The following DNAI7 variants were observed in gnomAD, a reference collection of about 807,000 sequenced individuals.
The protein encoded by DNAI7 is dynein axonemal intermediate chain 7, also known as cancer susceptibility 1.
Under a neutral mutation model 86.6 loss-of-function variants are expected in DNAI7, and 78 were observed. That is an observed-to-expected ratio of 0.90 (90% CI 0.75 to 1.09). The LOEUF is 1.09. Among genes scored for constraint, DNAI7 ranks in the 50% least tolerant of loss-of-function variants. The pLI, the probability that DNAI7 is intolerant of heterozygous loss-of-function variation, is 0.00. For missense variants in DNAI7, 753 were observed against 810.2 expected (o/e 0.93, Z 0.86); for synonymous variants, 274 against 273.0 (o/e 1.00, Z -0.04).
At position 25,165,167 on chromosome 12, in the gene DNAI7, G is replaced by A. The variant is rs1013664970; in HGVS notation, c.22-3970C>T. ...CAATATACATTTTATTACCCAATCCGCTCCGGACATTAAATAAAACTTCAA... is the reference window on the plus strand; with the variant it reads ...CAATATACATTTTATTACCCAATCCACTCCGGACATTAAATAAAACTTCAA... On this transcript the variant is annotated intron_variant, in intron 2 of 15. Coordinates refer to ENST00000395987, the MANE Select transcript of DNAI7 (RefSeq NM_018272.5). Among the ~76,000 whole-genome samples the A allele has an allele frequency of 3.9e-5, 6 of 151,958 alleles. No homozygotes were observed. In the South Asian group the frequency reaches 6.2e-4, roughly 16 times the overall value.
At chr12:25,168,277 C>A (rs1213973044) in intron 2 of DNAI7, among the ~76,000 whole-genome samples, 2 of 152,190 alleles carry the variant, frequency 1.3e-5, no homozygotes, top group Non-Finnish European at 2.9e-5. Flanking sequence ...CAGGTACATG[C>A]ACACTAGTTT....
At chr12:25,158,603 C>A (rs867016742) in intron 3 of DNAI7, 40 bp from the exon 4 acceptor site, 3 of 1,576,148 alleles carry the variant, frequency 1.9e-6, no homozygotes, top group Non-Finnish European at 2.6e-6. Context: ...GTGAATAGAT[C>A]ACTGTATTTT....
At chr12:25,177,128 C>G (rs1196447214) in intron 2 of DNAI7, among the ~76,000 whole-genome samples, 1 of 152,060 alleles carries the variant, frequency 6.6e-6, no homozygotes, top group Non-Finnish European at 1.5e-5. Context: ...GTATTGAACT[C>G]CTGACCTCAA....
chr12:25,132,444 T>C (rs1436260521), intron 9 of DNAI7, among the ~76,000 whole-genome samples: 2 of 152,196 alleles, frequency 1.3e-5, no homozygotes, highest in Admixed American at 1.3e-4. Context: ...TATAAATCTG[T>C]GTCATTTTAA....
At chr12:25,159,655 T>C (rs575098601) in intron 3 of DNAI7, among the ~76,000 whole-genome samples, 17 of 152,182 alleles carry the variant, frequency 1.1e-4, no homozygotes, top group Non-Finnish European at 2.2e-4. Flanking sequence ...CAGATGCAAT[T>C]ACCTTAATCT....
intron 9 of DNAI7, among the ~76,000 whole-genome samples, chr12:25,131,684 A>C (rs1384488579): frequency 6.6e-6 from 1 of 152,222 alleles, no homozygotes; most frequent in Non-Finnish European, 1.5e-5. Flanking sequence ...ATCTCTCAAA[A>C]GACAGGATAA....
At chr12:25,125,995 G>A (rs73081719) in intron 9 of DNAI7, among the ~76,000 whole-genome samples, 4 of 152,082 alleles carry the variant, frequency 2.6e-5, no homozygotes, top group South Asian at 2.1e-4. Flanking sequence ...CCAGTACCAC[G>A]CTGTTTTGGT....
rs150383999 is a variant in DNAI7 at position 25,110,322 on chromosome 12, T to C, written c.1780-82A>G. The C allele has an allele frequency of 3.5e-5, 27 of 770,280 alleles. 1 individual carries two copies. The highest frequency in any genetic ancestry group is 3.2e-4 in the African/African-American group (19 of 58,482). 47.7% of individuals were successfully genotyped at this position (770,280 alleles called of 1,614,324 possible). A position where few individuals can be genotyped will look rare whatever the true frequency, so the allele number is the denominator to read the frequency against. On this transcript the variant is annotated intron_variant, in intron 14 of 15. Transcript: ENST00000395987. ...CATCTTTGGCCTCCTTCAGTCTATT[T>C]TCAACACAGACGGATCCACTTAAAA...
chr12:25,123,007 T>C (rs1395326398), intron 10 of DNAI7, among the ~76,000 whole-genome samples: 1 of 152,188 alleles, frequency 6.6e-6, no homozygotes, highest in Admixed American at 6.5e-5. Flanking sequence ...TATAATCCCA[T>C]GGTTTTATTA....
At chr12:25,107,591 G>A (rs1425251878), downstream of DNAI7, among the ~76,000 whole-genome samples, 2 of 148,702 alleles carry the variant, frequency 1.3e-5, no homozygotes, top group Non-Finnish European at 3.0e-5. Flanking sequence ...CCTACATCAC[G>A]TAATTTTCAG....
chr12:25,126,875 G>T (rs1010349263), intron 9 of DNAI7, among the ~76,000 whole-genome samples: 2 of 152,164 alleles, frequency 1.3e-5, no homozygotes, highest in South Asian at 4.1e-4. Flanking sequence ...TCTTCAAAGA[G>T]TTTAGACCAA....
chr12:25,123,177 T>G (rs1336336672), intron 10 of DNAI7, 34 bp downstream of exon 10: 5 of 1,362,946 alleles, frequency 3.7e-6, no homozygotes, highest in South Asian at 1.3e-5. Context: ...AAAATCTCAA[T>G]AAAGTTAAAT....
intron 13 of DNAI7, among the ~76,000 whole-genome samples, chr12:25,113,555 C>T (rs1361334397): frequency 6.6e-6 from 1 of 152,158 alleles, no homozygotes; most frequent in African/African-American, 2.4e-5. Flanking sequence ...CCACTTCAGC[C>T]TCCCAAAGTG....
chr12:25,149,766 C>A lies in DNAI7; in HGVS notation c.447G>T (p.Glu149Asp), dbSNP rs746158316. 3 of 1,495,908 alleles carry A rather than the reference C, an allele frequency of 2.0e-6. 1 individual carries two copies. The highest frequency in any genetic ancestry group is 2.3e-5 in the South Asian group (2 of 85,882). The allele number at this position is 1,495,908 out of a possible 1,614,324, so 92.7% of individuals were successfully genotyped here. The stretch of plus-strand genomic sequence containing the variant: ...TTTCCAGTAAAATAAATTTCAATTT[C>A]TCAATTAACTGTAAAGTAAAAGAAT... ...EKSKVVLNLI[E>D]KLKFILLETP... Residue 149 changes from glutamate to aspartate, a missense_variant, in exon 7 of 16, where the codon GAG (glutamate) becomes GAT (aspartate). Physicochemically the swap from Glu to Asp is conservative, Grantham distance 45. Coordinates refer to ENST00000395987, the MANE Select transcript of DNAI7 (RefSeq NM_018272.5).
intron 11 of DNAI7, among the ~76,000 whole-genome samples, chr12:25,120,874 C>T (rs1941189768): frequency 6.6e-6 from 1 of 152,198 alleles, no homozygotes; most frequent in South Asian, 2.1e-4. Flanking sequence ...GCATTGGCAT[C>T]ATGTGGACTG....
intron 6 of DNAI7, among the ~76,000 whole-genome samples, chr12:25,151,860 G>A (rs903676146): frequency 1.3e-5 from 2 of 152,064 alleles, no homozygotes; most frequent in Non-Finnish European, 2.9e-5. Context: ...ATTAAATCTC[G>A]CAATGCATGG....
intron 7 of DNAI7, 97 bp downstream of exon 7, chr12:25,149,531 T>A: frequency 1.2e-6 from 1 of 856,528 alleles, no homozygotes. Flanking sequence ...TTTTCCATAA[T>A]CTCTTCATTT....
chr12:25,158,794 A>C, intron 3 of DNAI7: 3 of 730,526 alleles, frequency 4.1e-6, no homozygotes, highest in Non-Finnish European at 6.0e-6. Context: ...ATGAACAGAC[A>C]CTTCTCAAAA....
intron 3 of DNAI7, among the ~76,000 whole-genome samples, chr12:25,159,385 A>T (rs1240623207): frequency 1.3e-5 from 2 of 152,130 alleles, no homozygotes; most frequent in Non-Finnish European, 2.9e-5. Flanking sequence ...TCTCCTGCTG[A>T]ATGTGTCAAA....
Sources: gnomAD v4.1 joint callset for allele counts (sites outside exome capture counted in the v4.1 genomes callset) on GRCh38, gnomAD v4.1.1 for gene constraint, MANE v1.5 for transcripts, NCBI Gene and HGNC (gene_info 2026-07-23, HGNC 2026-07-21) for gene names.